Variants in ZNF275 observed in about 807,000 individuals in gnomAD.
ZNF275 encodes zinc finger protein 275.
In ZNF275, 4 loss-of-function variants were observed where a neutral mutation model predicts 4.3. The ratio of observed to expected loss-of-function variants is 0.93; its 90% CI spans 0.46 to 2.13. The LOEUF (loss-of-function observed/expected upper bound fraction) is 2.13. Among genes scored for constraint, ZNF275 ranks in the 30% most tolerant of loss-of-function variants. ZNF275 has a pLI of 0.02. For synonymous variants in ZNF275, 173 were observed against 166.9 expected, an observed-to-expected ratio of 1.04 and a Z score of -0.28; for missense variants, 352 against 397.1, an observed-to-expected ratio of 0.89 and a Z score of 0.97.
chrX:153,345,433 C>G (rs1021182353), intron 2 of ZNF275, 87 bp from the exon 3 acceptor site: 1 of 666,008 alleles, frequency 1.5e-6, no homozygotes, highest in Non-Finnish European at 2.4e-6. Context: ...GAAGGGGGTT[C>G]CCCTTCAAAG....
rs1556962071 is a variant in ZNF275 at position 153,349,367 on chromosome X, C to T, written c.*1392C>T. 3 of 123,874 alleles carry T rather than the reference C, an allele frequency of 2.4e-5. No homozygotes were observed. Among genetic ancestry groups the T allele is most frequent in the Non-Finnish European group, 5.6e-5 (3 of 53,371 alleles). The allele number at this position is 123,874 out of a possible 1,213,427, so 10.2% of individuals were successfully genotyped here. A position where few individuals can be genotyped will look rare whatever the true frequency, so the allele number is the denominator to read the frequency against. ...CCAGAACTGGGGATAGACCCCAGGC[C>T]TCCTGACCACCAGTCTCATCTTTCT... On this transcript the variant is annotated 3_prime_UTR_variant, in exon 4 of 4. Transcript: ENST00000650114.
rs782301163 is a variant in ZNF275, at chrX:153,348,999, G to T, written c.*1024G>T. 47 of 123,012 alleles carry T rather than the reference G, an allele frequency of 3.8e-4. No homozygotes were observed. Among genetic ancestry groups the T allele is most frequent in the African/African-American group, 1.4e-3 (43 of 30,735 alleles). The allele number at this position is 123,012 out of a possible 1,213,427, so 10.1% of individuals were successfully genotyped here. ...GATTGGGGTTGTTTTGAACTAATGG[G>T]TCTTGTCCTCAAGCAGCACTATTTT... On this transcript the variant is annotated 3_prime_UTR_variant, in exon 4 of 4. Coordinates refer to ENST00000650114, the MANE Select transcript of ZNF275 (RefSeq NM_001367757.1).
In ZNF275 at chrX:153,347,818, A is replaced by T; in HGVS notation, c.1133A>T (p.Glu378Val). The change falls in exon 4 of 4, where the codon GAG becomes GTG. Residue 378 changes from glutamate (E) to valine (V), a missense_variant. By Grantham distance (121) the Glu-to-Val change is moderately radical (BLOSUM62 -2). Coordinates refer to ENST00000650114, the MANE Select transcript of ZNF275 (RefSeq NM_001367757.1). ...RRIHSGLKPY[E>V]CDKCGKAFRR... ...ATCCACAGCGGACTGAAACCCTATG[A>T]GTGCGACAAATGCGGCAAGGCCTTC... 8.3e-7 allele frequency: 1 copy of T among 1,208,996 alleles called. No individual in the cohort carries two copies. Among genetic ancestry groups the T allele is most frequent in the Non-Finnish European group, 1.1e-6 (1 of 894,007 alleles).
Position 153,347,252 on chromosome X carries a change from G to A in ZNF275, c.567G>A (p.Arg189=). The change falls in exon 4 of 4, where the codon CGG becomes CGA. Residue 189 remains arginine (R), a synonymous_variant. Transcript: ENST00000650114. The part of the protein sequence containing the change: ...KPFECEECGK[R]FKKNAGLSQH... ...TCGAGTGCGAGGAGTGCGGAAAACG[G>A]TTTAAGAAGAATGCAGGCCTGAGTC... is the stretch of plus-strand genomic sequence containing the variant. 1 of 1,211,570 alleles carries A rather than the reference G, an allele frequency of 8.3e-7. No homozygotes were observed. The highest frequency in any genetic ancestry group is 1.1e-6 in the Non-Finnish European group (1 of 895,332).
rs2088534825 is a variant in ZNF275, at chrX:153,348,318, A to G, written c.*343A>G. On this transcript the variant is annotated 3_prime_UTR_variant, in exon 4 of 4. Transcript: ENST00000650114. ...CCCCCCGCCCCAGAGAAACACACAGAGCTGTTCCACGATGGCGTCCTCATA... is the reference window on the plus strand; with the variant it reads ...CCCCCCGCCCCAGAGAAACACACAGGGCTGTTCCACGATGGCGTCCTCATA... 1 of 125,941 alleles carries G rather than the reference A, an allele frequency of 7.9e-6. No homozygotes were observed. Among genetic ancestry groups the G allele is most frequent in the African/African-American group, 3.3e-5 (1 of 30,493 alleles). The allele number at this position is 125,941 out of a possible 1,213,427, so 10.4% of individuals were successfully genotyped here. A position where few individuals can be genotyped will look rare whatever the true frequency, so the allele number is the denominator to read the frequency against.
chrX:153,347,465 T>G lies in ZNF275; in HGVS notation c.780T>G (p.Thr260=). The G allele has an allele frequency of 8.3e-7, 1 of 1,208,230 alleles. No homozygotes were observed. Among genetic ancestry groups the G allele is most frequent in the Non-Finnish European group, 1.1e-6 (1 of 893,349 alleles). The change falls in exon 4 of 4, where the codon ACT becomes ACG. Residue 260 remains threonine (T), a synonymous_variant. Transcript: ENST00000650114. The stretch of plus-strand genomic sequence containing the variant: ...TTCTCAAGCACCAGCGCATGCACAC[T>G]GGCCACCTGCCCTTCGACTGCGACG... ...QELLKHQRMH[T]GHLPFDCDDC...
rs1294485660 is a variant in ZNF275 at position 153,336,648 on chromosome X, G to T, written c.-32G>T. 3 of 1,164,415 alleles carry T rather than the reference G, an allele frequency of 2.6e-6. No homozygotes were observed. In the African/African-American group the frequency reaches 5.4e-5, roughly 21 times the overall value. On this transcript the variant is annotated 5_prime_UTR_variant, in exon 2 of 4. Coordinates refer to ENST00000650114, the MANE Select transcript of ZNF275 (RefSeq NM_001367757.1). ...CAATCCAACAGATGGGGCCTTACCTGCCAGGCTGATCCCTTGGAGTAGTTC... is the reference window on the plus strand; with the variant it reads ...CAATCCAACAGATGGGGCCTTACCTTCCAGGCTGATCCCTTGGAGTAGTTC...
At chrX:153,335,972 C>A (rs1365802993) in intron 1 of ZNF275, among the ~76,000 whole-genome samples, 4 of 111,378 alleles carry the variant, frequency 3.6e-5, no homozygotes, top group African/African-American at 9.8e-5. Context: ...TCCCACCCCA[C>A]CCCCAATTTC....
At chrX:153,335,129 C>A (rs1290096928) in intron 1 of ZNF275, among the ~76,000 whole-genome samples, 1 of 108,166 alleles carries the variant, frequency 9.2e-6, no homozygotes, top group Non-Finnish European at 1.9e-5. Context: ...ACACACCCCC[C>A]ACTCGCCTGC....
rs2088449164 is a variant in ZNF275, at chrX:153,336,777, A to G, written c.31+67A>G. The G allele has an allele frequency of 4.6e-6, 5 of 1,086,862 alleles. No individual in the cohort carries two copies. In the Admixed American group the frequency reaches 1.0e-4, roughly 23 times the overall value. 89.6% of individuals were successfully genotyped at this position (1,086,862 alleles called of 1,213,427 possible). A position where few individuals can be genotyped will look rare whatever the true frequency, so the allele number is the denominator to read the frequency against. On this transcript the variant is annotated intron_variant, in intron 2 of 3. Coordinates refer to ENST00000650114, the MANE Select transcript of ZNF275 (RefSeq NM_001367757.1). ...GCTGGGCATGCTATCAGAAGACCCT[A>G]TAGGTGGGGTTACAACATGGTGAGG...
At position 153,348,001 on chromosome X, in the gene ZNF275, G is replaced by A. The variant is rs782085263; in HGVS notation, c.*26G>A. The A allele has an allele frequency of 8.3e-6, 9 of 1,090,350 alleles. No homozygotes were observed. The South Asian group carries it at 2.1e-4, about 26-fold the overall frequency. 89.9% of individuals were successfully genotyped at this position (1,090,350 alleles called of 1,213,427 possible). A position where few individuals can be genotyped will look rare whatever the true frequency, so the allele number is the denominator to read the frequency against. ...AAACGCCCTGTGGTCCCGCGGGACA[G>A]GGACGGAGTCCCCAGAGGGGATGGC... On this transcript the variant is annotated 3_prime_UTR_variant, in exon 4 of 4. Transcript: ENST00000650114.
In ZNF275 at chrX:153,347,992, C is replaced by T; in HGVS notation, c.*17C>T. 1.8e-6 allele frequency: 2 copies of T among 1,098,847 alleles called. No homozygotes were observed. The highest frequency in any genetic ancestry group is 1.8e-5 in the African/African-American group (1 of 54,082). The allele number at this position is 1,098,847 out of a possible 1,213,427, so 90.6% of individuals were successfully genotyped here. On this transcript the variant is annotated 3_prime_UTR_variant, in exon 4 of 4. Transcript: ENST00000650114. ...CACGAGTAGAAACGCCCTGTGGTCCCGCGGGACAGGGACGGAGTCCCCAGA... is the reference window on the plus strand; with the variant it reads ...CACGAGTAGAAACGCCCTGTGGTCCTGCGGGACAGGGACGGAGTCCCCAGA...
intron 1 of ZNF275, among the ~76,000 whole-genome samples, chrX:153,336,336 G>A (rs781942468): frequency 2.7e-5 from 3 of 112,871 alleles, no homozygotes; most frequent in South Asian, 7.3e-4. Flanking sequence ...CTGCTACTTC[G>A]AGTAGCAGCC....
intron 2 of ZNF275, chrX:153,343,405 C>G (rs185889950): frequency 2.8e-6 from 1 of 354,284 alleles, no homozygotes; most frequent in Non-Finnish European, 5.5e-6. Context: ...CTGTGATGCA[C>G]GGATGCCGGT....
At chrX:153,337,267 C>G (rs1440919292) in intron 2 of ZNF275, among the ~76,000 whole-genome samples, 3 of 111,777 alleles carry the variant, frequency 2.7e-5, no homozygotes, top group Non-Finnish European at 5.6e-5. Context: ...TGTTGCTTGG[C>G]TATTTGTGCG....
intron 3 of ZNF275, among the ~76,000 whole-genome samples, chrX:153,345,920 G>A (rs1020857116): frequency 4.3e-4 from 46 of 108,040 alleles, no homozygotes; most frequent in African/African-American, 1.5e-3. Context: ...GAGGTTTTGA[G>A]TTAGAGTTGG....
At chrX:153,346,697 G>A (rs1460605039) in intron 3 of ZNF275, 122 bp from the exon 4 acceptor site, 9 of 738,894 alleles carry the variant, frequency 1.2e-5, no homozygotes, top group Admixed American at 4.0e-5. Flanking sequence ...GCTTCTGGTG[G>A]CTTCCGGGCC....
chrX:153,339,019 C>T (rs377049400), intron 2 of ZNF275, among the ~76,000 whole-genome samples: 2 of 111,074 alleles, frequency 1.8e-5, no homozygotes, highest in African/African-American at 3.3e-5. Context: ...CGGTAATAAC[C>T]GCAGGATGTG....
chrX:153,345,196 C>T, intron 2 of ZNF275: 2 of 204,088 alleles, frequency 9.8e-6, no homozygotes, highest in South Asian at 1.6e-4. Context: ...CTGTCGAAGT[C>T]CACGTGTCTG....
Sources: allele counts gnomAD v4.1 joint callset (sites outside exome capture counted in the v4.1 genomes callset), GRCh38; gene constraint gnomAD v4.1.1; transcripts MANE v1.5; gene names NCBI Gene and HGNC (gene_info 2026-07-23, HGNC 2026-07-21).